Variants in MTR observed in about 807,000 individuals in gnomAD.
MTR encodes 5-methyltetrahydrofolate-homocysteine methyltransferase.
Under a neutral mutation model 154.8 loss-of-function variants are expected in MTR, and 84 were observed. The observed-to-expected ratio is 0.54, with a 90% confidence interval of 0.45 to 0.65. The LOEUF (loss-of-function observed/expected upper bound fraction) is 0.65. MTR is among the 30% of genes least tolerant of loss of function. The pLI, the probability that MTR is intolerant of heterozygous loss-of-function variation, is 0.00. For synonymous variants in MTR, 554 were observed against 553.9 expected, an observed-to-expected ratio of 1.00 and a Z score of 0.00; for missense variants, 1,275 against 1,570.2, an observed-to-expected ratio of 0.81 and a Z score of 3.18.
rs187273164 is a variant in MTR, at chr1:236,856,632, C to T, written c.1954-3201C>T. On this transcript the variant is annotated intron_variant, in intron 18 of 32. Coordinates refer to ENST00000366577, the MANE Select transcript of MTR (RefSeq NM_000254.3). Reference sequence around the variant, plus strand: ...ATGCTATGGTGGTTTGCTGCACCATCACCCCATCATCTATATTAGGTATTT... The same window carrying T: ...ATGCTATGGTGGTTTGCTGCACCATTACCCCATCATCTATATTAGGTATTT... Among the ~76,000 whole-genome samples the T allele has an allele frequency of 2.6e-5, 4 of 152,058 alleles. No individual in the cohort carries two copies. The East Asian group carries it at 7.8e-4, about 29-fold the overall frequency.
At position 236,880,827 on chromosome 1, in the gene MTR, TGTG is replaced by T; in HGVS notation, c.2676_2676+2del. On this transcript the variant is annotated inframe_deletion, in exon 25 of 33. Transcript: ENST00000366577. ...TCCATGTCCTGGACGCGTCCAAGAG[TGTG>T]GTGGTGGTAAGTGGGTGACCTTACA... is the stretch of plus-strand genomic sequence containing the variant. 2 of 1,613,174 alleles carry T rather than the reference TGTG, an allele frequency of 1.2e-6. No individual in the cohort carries two copies. Among genetic ancestry groups the T allele is most frequent in the Non-Finnish European group, 1.7e-6 (2 of 1,179,602 alleles).
chr1:236,829,160 T>G (rs768871991), intron 11 of MTR, 29 bp from the exon 12 acceptor site: 1 of 1,531,478 alleles, frequency 6.5e-7, no homozygotes, highest in South Asian at 1.1e-5. Flanking sequence ...TCTGAATTAA[T>G]GGATACAATG....
At chr1:236,874,194 A>G (rs1211569564) in intron 23 of MTR, among the ~76,000 whole-genome samples, 2 of 152,214 alleles carry the variant, frequency 1.3e-5, no homozygotes, top group African/African-American at 2.4e-5. Flanking sequence ...ATGGCAAGTA[A>G]TTATTGCAAC....
chr1:236,836,642 C>T (rs1240534957), intron 14 of MTR, among the ~76,000 whole-genome samples: 1 of 152,138 alleles, frequency 6.6e-6, no homozygotes, highest in Admixed American at 6.5e-5. Context: ...TCAGCAGATT[C>T]AGCAGATTTA....
chr1:236,875,474 G>A (rs1665378549), intron 24 of MTR, among the ~76,000 whole-genome samples: 1 of 152,200 alleles, frequency 6.6e-6, no homozygotes, highest in African/African-American at 2.4e-5. Flanking sequence ...CTGGGATCAT[G>A]ATCATAGTGA....
chr1:236,815,566 C>T (rs906300281), intron 6 of MTR, 38 bp from the exon 7 acceptor site: 1 of 1,608,286 alleles, frequency 6.2e-7, no homozygotes, highest in Non-Finnish European at 8.5e-7. Context: ...TGGACACACT[C>T]TCAGAAATAA....
At chr1:236,896,273 T>G (rs557498534) in intron 31 of MTR, among the ~76,000 whole-genome samples, 1 of 152,266 alleles carries the variant, frequency 6.6e-6, no homozygotes, top group Middle Eastern at 3.4e-3. Flanking sequence ...AGCTCACAGT[T>G]TTCAGCGGAA....
intron 18 of MTR, among the ~76,000 whole-genome samples, chr1:236,854,393 C>T (rs1369850546): frequency 1.3e-5 from 2 of 152,192 alleles, no homozygotes; most frequent in African/African-American, 4.8e-5. Flanking sequence ...TTCTACTTCT[C>T]AGCACATTAC....
At chr1:236,811,528 G>A (rs1442228162) in intron 5 of MTR, 1 of 450,996 alleles carries the variant, frequency 2.2e-6, no homozygotes, top group Non-Finnish European at 4.5e-6. Context: ...ATGAGATCAA[G>A]CAAATATGGT....
intron 1 of MTR, chr1:236,800,121 AG>A: frequency 1.0e-6 from 1 of 985,384 alleles, no homozygotes; most frequent in Non-Finnish European, 1.2e-6. Context: ...TATGAAAATG[AG>A]GGGTGGAGGC....
Position 236,858,810 on chromosome 1 carries a change from G to T in MTR, c.1954-1023G>T, listed in dbSNP as rs144516108. Among the ~76,000 whole-genome samples, 19 of 152,252 alleles carry T rather than the reference G, an allele frequency of 1.2e-4. No individual in the cohort carries two copies. In the East Asian group the frequency reaches 3.5e-3, roughly 28 times the overall value. ...AGCTGGTACCTCCAGTTGAGGTGGA[G>T]AAAACAATAAAGTAATGCAATTTAT... On this transcript the variant is annotated intron_variant, in intron 18 of 32. Coordinates refer to ENST00000366577, the MANE Select transcript of MTR (RefSeq NM_000254.3).
intron 29 of MTR, 58 bp downstream of exon 29, chr1:236,891,387 C>A: frequency 6.6e-7 from 1 of 1,505,298 alleles, no homozygotes; most frequent in Non-Finnish European, 9.2e-7. Context: ...TTAAGCACTA[C>A]ACAAAAGAGC....
intron 25 of MTR, among the ~76,000 whole-genome samples, chr1:236,883,696 T>G (rs1665875188): frequency 1.3e-5 from 2 of 152,114 alleles, no homozygotes; most frequent in African/African-American, 4.8e-5. Context: ...GAACCTATTT[T>G]TGGCCTGCCA....
rs773100931 is a variant in MTR at position 236,832,118 on chromosome 1, T to G, written c.1188+40T>G. On this transcript the variant is annotated intron_variant, in intron 13 of 32. Transcript: ENST00000366577. The stretch of plus-strand genomic sequence containing the variant: ...AAGACCCCTGAGGCATCTGCCCATG[T>G]CTTTGGCTAGACAGCATGTAAATGA... 3.4e-6 allele frequency: 5 copies of G among 1,476,264 alleles called. No homozygotes were observed. The South Asian group carries it at 5.7e-5, about 17-fold the overall frequency. The allele number at this position is 1,476,264 out of a possible 1,614,324, so 91.4% of individuals were successfully genotyped here. A position where few individuals can be genotyped will look rare whatever the true frequency, so the allele number is the denominator to read the frequency against.
At chr1:236,897,310 G>GCGCGCGCGCACGCGCGCACACACACACA in intron 32 of MTR, among the ~76,000 whole-genome samples, 192 bp downstream of exon 32, 1 of 128,614 alleles carries the variant, frequency 7.8e-6, no homozygotes, top group Admixed American at 7.6e-5. Context: ...CCACACACAC[G>GCGCGCGCGCACGCGCGCACACACACACA]CACACACACA....
rs541418951 is a variant in MTR at position 236,808,990 on chromosome 1, C to T, written c.409+217C>T. 1.4e-4 allele frequency among the ~76,000 whole-genome samples: 22 copies of T among 152,260 alleles called. No individual in the cohort carries two copies. In the South Asian group the frequency reaches 3.5e-3, roughly 24 times the overall value. On this transcript the variant is annotated intron_variant, in intron 4 of 32. Coordinates refer to ENST00000366577, the MANE Select transcript of MTR (RefSeq NM_000254.3). ...ATGCCAACTCTGTGGTCCTTGGGCT[C>T]GGAATTTGCTCTTTCACCCTGGGTT... is the stretch of plus-strand genomic sequence containing the variant.
intron 15 of MTR, 87 bp downstream of exon 15, chr1:236,838,686 A>G: frequency 7.7e-7 from 1 of 1,293,952 alleles, no homozygotes; most frequent in Admixed American, 1.8e-5. Flanking sequence ...AGCTACATAT[A>G]TACATACACA....
Position 236,835,534 on chromosome 1 carries a change from A to T in MTR, c.1189-13A>T, listed in dbSNP as rs1430690174. 2 of 1,612,280 alleles carry T rather than the reference A, an allele frequency of 1.2e-6. No homozygotes were observed. The highest frequency in any genetic ancestry group is 1.7e-6 in the Non-Finnish European group (2 of 1,179,714). ...GTCTCCTAATGCTGCTTCCTCTCTC[A>T]TTCTTCCTTCAGGAAGCCTTGTGTG... On this transcript the variant is annotated splice_polypyrimidine_tract_variant and intron_variant, in intron 13 of 32. Coordinates refer to ENST00000366577, the MANE Select transcript of MTR (RefSeq NM_000254.3).
chr1:236,839,219 C>CT (rs991980811), intron 15 of MTR, among the ~76,000 whole-genome samples: 3 of 152,130 alleles, frequency 2.0e-5, no homozygotes, highest in Admixed American at 2.0e-4. Context: ...AGAAAATAAA[C>CT]TTAGATTCCC....
Sources: gnomAD v4.1 joint callset for allele counts (sites outside exome capture counted in the v4.1 genomes callset) on GRCh38, gnomAD v4.1.1 for gene constraint, MANE v1.5 for transcripts, NCBI Gene and HGNC (gene_info 2026-07-23, HGNC 2026-07-21) for gene names.